The following C2orf49 variants were observed in gnomAD, a reference collection of about 807,000 sequenced individuals.
The protein encoded by C2orf49 is tRNA splicing ligase complex subunit 2, also known as tRNA-splicing ligase complex subunit ASW.
C2orf49 carries 11 observed loss-of-function variants against 20.6 expected under a neutral mutation model. That is an observed-to-expected ratio of 0.53 (90% CI 0.34 to 0.88). The LOEUF is 0.88. C2orf49 is among the 40% of genes least tolerant of loss of function. C2orf49 has a pLI of 0.02. For missense variants in C2orf49, 289 were observed against 274.2 expected (o/e 1.05, Z -0.38); for synonymous variants, 134 against 108.5 (o/e 1.24, Z -1.46).
the C2orf49 span, among the ~76,000 whole-genome samples, chr2:105,370,594 G>A: frequency 6.6e-6 from 1 of 151,718 alleles, no homozygotes; most frequent in Non-Finnish European, 1.5e-5. Context: ...TGGAGCTGGT[G>A]GGTGAGTTTT....
the C2orf49 span, among the ~76,000 whole-genome samples, chr2:105,380,836 T>G: frequency 1.3e-5 from 2 of 152,200 alleles, no homozygotes; most frequent in African/African-American, 4.8e-5. Context: ...AGGCTAATCT[T>G]GTGCTCACAG....
At chr2:105,371,413 T>A in the C2orf49 span, among the ~76,000 whole-genome samples, 2 of 152,182 alleles carry the variant, frequency 1.3e-5, no homozygotes, top group African/African-American at 4.8e-5. Flanking sequence ...GTTTCCAGCC[T>A]GCCGCCCTAC....
chr2:105,345,492 G>T lies in C2orf49; in HGVS notation c.*121G>T. On this transcript the variant is annotated 3_prime_UTR_variant, in exon 4 of 4. Transcript: ENST00000258457. ...GAATTTTCTTAAGAGGTTTCAAATA[G>T]GTTTAAAAAAATAAAGGATTTATTT... 6.5e-6 allele frequency: 5 copies of T among 772,850 alleles called. No individual in the cohort carries two copies. Among genetic ancestry groups the T allele is most frequent in the African/African-American group, 1.8e-5 (1 of 55,440 alleles). 47.9% of individuals were successfully genotyped at this position (772,850 alleles called of 1,614,324 possible). A position where few individuals can be genotyped will look rare whatever the true frequency, so the allele number is the denominator to read the frequency against.
chr2:105,352,440 T>TG (rs1305043019), downstream of C2orf49, among the ~76,000 whole-genome samples: 1 of 124,980 alleles, frequency 8.0e-6, no homozygotes, highest in African/African-American at 2.8e-5. Flanking sequence ...TTTTTTTTTT[T>TG]TTTTTTTTTT....
downstream of C2orf49, among the ~76,000 whole-genome samples, chr2:105,351,413 C>T (rs963453297): frequency 7.0e-6 from 1 of 142,558 alleles, no homozygotes; most frequent in Non-Finnish European, 1.5e-5. Context: ...AGTTACTTTG[C>T]TGGTGAAGTA....
chr2:105,363,794 G>A, the C2orf49 span, among the ~76,000 whole-genome samples: 2 of 152,188 alleles, frequency 1.3e-5, no homozygotes, highest in Non-Finnish European at 2.9e-5. Context: ...GCACAGTGGA[G>A]GGGTCGGGAT....
the C2orf49 span, among the ~76,000 whole-genome samples, chr2:105,382,550 AG>A: frequency 1.3e-5 from 2 of 152,242 alleles, no homozygotes; most frequent in South Asian, 4.1e-4. Flanking sequence ...GGGTGTTAGG[AG>A]AAATTTAGAT....
the C2orf49 span, among the ~76,000 whole-genome samples, chr2:105,354,786 T>A: frequency 0.067 from 10,263 of 152,300 alleles, 410 homozygotes; most frequent in Admixed American, 0.13. Context: ...CTTAAGCCAA[T>A]GAAATAGATG....
At chr2:105,351,637 A>T (rs1378563813), downstream of C2orf49, among the ~76,000 whole-genome samples, 1 of 152,120 alleles carries the variant, frequency 6.6e-6, no homozygotes, top group Non-Finnish European at 1.5e-5. Flanking sequence ...CCTGTGACTT[A>T]TCCCATGATT....
rs1333846323 is a variant in C2orf49 at position 105,348,331 on chromosome 2, T to C, written c.*2960T>C. 1 of 152,178 alleles carries C rather than the reference T, an allele frequency of 6.6e-6. No individual in the cohort carries two copies. Among genetic ancestry groups the C allele is most frequent in the East Asian group, 1.9e-4 (1 of 5,192 alleles). The allele number at this position is 152,178 out of a possible 1,614,324, so 9.4% of individuals were successfully genotyped here. On this transcript the variant is annotated 3_prime_UTR_variant, in exon 4 of 4. Coordinates refer to ENST00000258457, the MANE Select transcript of C2orf49 (RefSeq NM_024093.3). ...GACAGCTACCAGGCACTTTGGAAAG[T>C]TGGTTCAGTTACTACTATGAGGCCA...
the C2orf49 span, chr2:105,375,675 T>C: frequency 6.6e-6 from 1 of 152,216 alleles, no homozygotes; most frequent in Non-Finnish European, 1.5e-5. Context: ...AATGCCCTTG[T>C]TTCTGCGGAA....
At chr2:105,373,655 G>C in the C2orf49 span, 6 of 1,614,108 alleles carry the variant, frequency 3.7e-6, no homozygotes, top group East Asian at 1.3e-4. Flanking sequence ...GCAGCAAAGG[G>C]CTTGTCCACC....
intron 3 of C2orf49, among the ~76,000 whole-genome samples, chr2:105,344,405 C>T (rs954729580): frequency 2.6e-5 from 4 of 151,952 alleles, no homozygotes; most frequent in Admixed American, 6.6e-5. Flanking sequence ...AACAGCATTT[C>T]TCTACCCTAC....
chr2:105,377,405 C>T, the C2orf49 span, among the ~76,000 whole-genome samples: 71 of 152,118 alleles, frequency 4.7e-4, no homozygotes, highest in African/African-American at 1.6e-3. Context: ...CCGAGGCAGG[C>T]GGATCACCTG....
the C2orf49 span, chr2:105,363,161 G>T: frequency 1.2e-6 from 1 of 855,140 alleles, no homozygotes; most frequent in Non-Finnish European, 1.8e-6. Flanking sequence ...AGAAAAGTCT[G>T]CTGTGTTCAG....
chr2:105,359,114 T>A, the C2orf49 span: 1 of 152,222 alleles, frequency 6.6e-6, no homozygotes, highest in African/African-American at 2.4e-5. Context: ...TTCTTAACAA[T>A]TAAATAAATA....
In C2orf49 at chr2:105,347,200, T is replaced by C. The variant is rs1389171809; in HGVS notation, c.*1829T>C. The C allele has an allele frequency of 2.0e-5, 3 of 152,164 alleles. No homozygotes were observed. The highest frequency in any genetic ancestry group is 4.4e-5 in the Non-Finnish European group (3 of 68,042). 9.4% of individuals were successfully genotyped at this position (152,164 alleles called of 1,614,324 possible). A position where few individuals can be genotyped will look rare whatever the true frequency, so the allele number is the denominator to read the frequency against. On this transcript the variant is annotated 3_prime_UTR_variant, in exon 4 of 4. Transcript: ENST00000258457. ...CTAAGTATTGCATAAATTGTTAACG[T>C]TACAGTAAATTGTTATCTGCAGGGC...
At chr2:105,351,948 C>T (rs1679945738), downstream of C2orf49, among the ~76,000 whole-genome samples, 1 of 152,196 alleles carries the variant, frequency 6.6e-6, no homozygotes, top group African/African-American at 2.4e-5. Context: ...TGAGTTCATA[C>T]TATGTCTCTA....
chr2:105,367,444 C>A, the C2orf49 span: 1 of 922,518 alleles, frequency 1.1e-6, no homozygotes, highest in Non-Finnish European at 1.7e-6. Context: ...TAAGGCAGGA[C>A]AGGCACAGCT....
Sources: gnomAD v4.1 joint callset for allele counts (sites outside exome capture counted in the v4.1 genomes callset) on GRCh38, gnomAD v4.1.1 for gene constraint, MANE v1.5 for transcripts, NCBI Gene and HGNC (gene_info 2026-07-23, HGNC 2026-07-21) for gene names.